The following CNTNAP5 variants were observed in gnomAD, a reference collection of about 807,000 sequenced individuals.
The protein encoded by CNTNAP5 is contactin associated protein family member 5.
Under a neutral mutation model 150.2 loss-of-function variants are expected in CNTNAP5, and 72 were observed. That is an observed-to-expected ratio of 0.48 (90% CI 0.40 to 0.58). CNTNAP5 has a LOEUF of 0.58. Among genes scored for constraint, CNTNAP5 ranks in the 20% least tolerant of loss-of-function variants. CNTNAP5 has a pLI of 0.00. For synonymous variants in CNTNAP5, 672 were observed against 619.8 expected (o/e 1.08, Z -1.25); for missense variants, 1,636 against 1,626.2 (o/e 1.01, Z -0.10).
chr2:124,655,938 AGAG>A, intron 13 of CNTNAP5, among the ~76,000 whole-genome samples: 11 of 91,192 alleles, frequency 1.2e-4, no homozygotes, highest in African/African-American at 2.8e-4. Flanking sequence ...AGAGAGAGAG[AGAG>A]AGAGAGAAAG....
chr2:124,145,790 A>G (rs1684225176), intron 1 of CNTNAP5, among the ~76,000 whole-genome samples: 1 of 107,680 alleles, frequency 9.3e-6, no homozygotes, highest in Non-Finnish European at 1.7e-5. Context: ...AACTTAAAGT[A>G]TAATAAAAAA....
At chr2:124,612,747 A>G (rs779584147) in intron 12 of CNTNAP5, among the ~76,000 whole-genome samples, 1 of 152,086 alleles carries the variant, frequency 6.6e-6, no homozygotes, top group Non-Finnish European at 1.5e-5. Context: ...TTTGTTTTTT[A>G]AAATACCTGC....
In CNTNAP5 at chr2:124,861,435, AT is replaced by A. The variant is rs1203903627; in HGVS notation, c.3218-3870del. 2.6e-5 allele frequency among the ~76,000 whole-genome samples: 4 copies of A among 151,802 alleles called. No homozygotes were observed. In the East Asian group the frequency reaches 7.8e-4, roughly 30 times the overall value. On this transcript the variant is annotated intron_variant, in intron 19 of 23. Coordinates refer to ENST00000682447, the MANE Select transcript of CNTNAP5 (RefSeq NM_001367498.1). Reference sequence around the variant, plus strand: ...TAAAAATACAAAAATAAATAAATAAATAAATAGCTGGGTGTAGTGGTGCAAG... The same window carrying A: ...TAAAAATACAAAAATAAATAAATAAAAAATAGCTGGGTGTAGTGGTGCAAG...
At chr2:124,591,886 C>T (rs1336608412) in intron 11 of CNTNAP5, among the ~76,000 whole-genome samples, 3 of 152,114 alleles carry the variant, frequency 2.0e-5, no homozygotes, top group African/African-American at 7.2e-5. Flanking sequence ...ATTCTCTATA[C>T]ATAACCTTTA....
At chr2:124,547,964 C>G (rs1039415413) in intron 10 of CNTNAP5, among the ~76,000 whole-genome samples, 1 of 152,156 alleles carries the variant, frequency 6.6e-6, no homozygotes, top group African/African-American at 2.4e-5. Context: ...CTTGCATCTT[C>G]GAGCCCATGT....
Position 124,869,762 on chromosome 2 carries a change from G to C in CNTNAP5, c.3436G>C (p.Glu1146Gln). The change falls in exon 21 of 24, where the codon GAG becomes CAG. Residue 1146 changes from glutamate to glutamine, a missense_variant and splice_region_variant. Transcript: ENST00000682447. The stretch of plus-strand genomic sequence containing the variant: ...GTCACTCACCTTGGGCAAAGTCACA[G>C]GTATGTTGTTCTAGTTCATACCTTT... ...IRSLTLGKVT[E>Q]NLGLDSEVAK... 6.3e-7 allele frequency: 1 copy of C among 1,586,950 alleles called. No homozygotes were observed. Among genetic ancestry groups the C allele is most frequent in the Non-Finnish European group, 8.6e-7 (1 of 1,156,114 alleles).
chr2:124,126,172 A>G (rs1165490608), intron 1 of CNTNAP5, among the ~76,000 whole-genome samples: 1 of 152,194 alleles, frequency 6.6e-6, no homozygotes, highest in Non-Finnish European at 1.5e-5. Context: ...TGCTAGCAAG[A>G]CTAATAAAGA....
intron 11 of CNTNAP5, among the ~76,000 whole-genome samples, chr2:124,603,147 CTGATA>C (rs1697024528): frequency 6.6e-6 from 1 of 151,804 alleles, no homozygotes; most frequent in African/African-American, 2.4e-5. Flanking sequence ...GTTTGACTGA[CTGATA>C]TATCTTTTGC....
chr2:124,411,249 C>T (rs1691753214), intron 3 of CNTNAP5, among the ~76,000 whole-genome samples: 1 of 151,980 alleles, frequency 6.6e-6, no homozygotes, highest in Non-Finnish European at 1.5e-5. Context: ...GTTTACCAAC[C>T]AAAAAGAGTC....
At chr2:124,885,448 G>T (rs11680175) in intron 21 of CNTNAP5, among the ~76,000 whole-genome samples, 37 of 151,428 alleles carry the variant, frequency 2.4e-4, no homozygotes, top group Non-Finnish European at 4.9e-4. Flanking sequence ...GAAGTGAAAC[G>T]CACATAAAAT....
chr2:124,051,193 C>G (rs917431551), intron 1 of CNTNAP5, among the ~76,000 whole-genome samples: 2 of 149,140 alleles, frequency 1.3e-5, no homozygotes, highest in African/African-American at 4.9e-5. Context: ...CTTTCCATCT[C>G]TTTCCTCAAA....
chr2:124,527,491 C>T (rs186294770), intron 10 of CNTNAP5, 35 bp downstream of exon 10: 18 of 1,533,968 alleles, frequency 1.2e-5, no homozygotes, highest in African/African-American at 1.1e-4. Context: ...TTCTGCCACC[C>T]CCTTCCCATT....
At chr2:124,205,472 G>A (rs1033081426) in intron 1 of CNTNAP5, among the ~76,000 whole-genome samples, 6 of 148,622 alleles carry the variant, frequency 4.0e-5, no homozygotes, top group Non-Finnish European at 7.4e-5. Context: ...AGGCTGGACT[G>A]CAATGGTGCC....
chr2:124,320,277 A>C (rs569315484), intron 3 of CNTNAP5, among the ~76,000 whole-genome samples: 1 of 152,350 alleles, frequency 6.6e-6, no homozygotes, highest in Non-Finnish European at 1.5e-5. Flanking sequence ...CTGTCACAAT[A>C]GAAATTTTCT....
Position 124,375,416 on chromosome 2 carries a change from T to C in CNTNAP5, c.382-42027T>C, listed in dbSNP as rs139608855. Among the ~76,000 whole-genome samples, 851 of 152,178 alleles carry C rather than the reference T, an allele frequency of 5.6e-3. 5 individuals carry two copies. Among genetic ancestry groups the C allele is most frequent in the Middle Eastern group, 0.027 (8 of 294 alleles). ...ACTTCTGTGGCCTTCTTGCCAAGAA[T>C]GTATAACTTCAATCTAATTTGTAAA... On this transcript the variant is annotated intron_variant, in intron 3 of 23. Coordinates refer to ENST00000682447, the MANE Select transcript of CNTNAP5 (RefSeq NM_001367498.1).
At chr2:124,461,711 G>A (rs1188133959) in intron 6 of CNTNAP5, among the ~76,000 whole-genome samples, 2 of 151,690 alleles carry the variant, frequency 1.3e-5, no homozygotes, top group African/African-American at 4.8e-5. Context: ...ACAAAAATTA[G>A]CCAGGTGTGG....
chr2:124,789,548 C>T (rs1366139979), intron 17 of CNTNAP5, among the ~76,000 whole-genome samples: 1 of 152,124 alleles, frequency 6.6e-6, no homozygotes, highest in African/African-American at 2.4e-5. Flanking sequence ...TATCTTCTCC[C>T]TCTTCCCACC....
At chr2:124,699,832 C>T (rs1338986709) in intron 13 of CNTNAP5, among the ~76,000 whole-genome samples, 1 of 151,626 alleles carries the variant, frequency 6.6e-6, no homozygotes, top group African/African-American at 2.4e-5. Flanking sequence ...CTTTCCTTCT[C>T]TTTCTTTCTT....
chr2:124,383,173 A>C (rs1210999951), intron 3 of CNTNAP5, among the ~76,000 whole-genome samples: 1 of 152,150 alleles, frequency 6.6e-6, no homozygotes, highest in Non-Finnish European at 1.5e-5. Flanking sequence ...CATTTGGCGA[A>C]CATTATTGCT....
Sources: gnomAD v4.1 joint callset for allele counts (sites outside exome capture counted in the v4.1 genomes callset) on GRCh38, gnomAD v4.1.1 for gene constraint, MANE v1.5 for transcripts, NCBI Gene and HGNC (gene_info 2026-07-23, HGNC 2026-07-21) for gene names.